Variants in CCSER1 observed in about 807,000 individuals in gnomAD.
CCSER1 encodes the protein serine-rich coiled-coil domain-containing protein 1.
CCSER1 carries 41 observed loss-of-function variants against 82.0 expected under a neutral mutation model. That is an observed-to-expected ratio of 0.50 (90% CI 0.39 to 0.65). The LOEUF (loss-of-function observed/expected upper bound fraction) is 0.65, where lower values mean the gene tolerates loss of function less well. Among genes scored for constraint, CCSER1 ranks in the 30% least tolerant of loss-of-function variants. CCSER1 has a pLI of 0.00. For synonymous variants in CCSER1, 414 were observed against 383.9 expected, an observed-to-expected ratio of 1.08 and a Z score of -0.92; for missense variants, 1,119 against 1,064.2, an observed-to-expected ratio of 1.05 and a Z score of -0.72.
At chr4:90,496,669 A>C (rs1199532047) in intron 5 of CCSER1, among the ~76,000 whole-genome samples, 1 of 152,208 alleles carries the variant, frequency 6.6e-6, no homozygotes, top group Non-Finnish European at 1.5e-5. Flanking sequence ...AGGTAACTAA[A>C]GAAACCTTAA....
At chr4:90,859,853 G>GT (rs1311383320) in intron 8 of CCSER1, among the ~76,000 whole-genome samples, 8 of 151,624 alleles carry the variant, frequency 5.3e-5, no homozygotes, top group African/African-American at 1.7e-4. Flanking sequence ...TGAATTTATT[G>GT]TTTTTTAACA....
At chr4:90,407,969 G>A (rs142659314) in intron 4 of CCSER1, among the ~76,000 whole-genome samples, 1,546 of 152,230 alleles carry the variant, frequency 0.01, 17 homozygotes, top group South Asian at 0.03. Flanking sequence ...CCTAACAAAC[G>A]GCACACCAGG....
At chr4:90,649,598 A>T (rs1250809105) in intron 6 of CCSER1, 1 of 152,250 alleles carries the variant, frequency 6.6e-6, no homozygotes. Flanking sequence ...CAGCCCCTTC[A>T]TCTTGGATTT....
chr4:91,532,336 A>C (rs968009865), intron 10 of CCSER1, among the ~76,000 whole-genome samples: 2 of 152,208 alleles, frequency 1.3e-5, no homozygotes, highest in Non-Finnish European at 2.9e-5. Flanking sequence ...TAAATGGATA[A>C]TTCTGTAATT....
intron 8 of CCSER1, among the ~76,000 whole-genome samples, chr4:90,855,397 G>A (rs1580792939): frequency 6.6e-6 from 1 of 151,978 alleles, no homozygotes; most frequent in Admixed American, 6.6e-5. Context: ...TCTAGCTTTG[G>A]AAACTATTAA....
At chr4:90,258,396 C>T (rs1723729104) in intron 1 of CCSER1, among the ~76,000 whole-genome samples, 2 of 152,106 alleles carry the variant, frequency 1.3e-5, no homozygotes, top group Admixed American at 1.3e-4. Flanking sequence ...CCTGTAATCC[C>T]AGCTACTCGG....
At chr4:91,020,681 C>T (rs1334523380) in intron 9 of CCSER1, among the ~76,000 whole-genome samples, 1 of 151,694 alleles carries the variant, frequency 6.6e-6, no homozygotes, top group East Asian at 1.9e-4. Context: ...AAAGTACATA[C>T]CTTGACAACT....
At chr4:90,863,315 C>T (rs1440799748) in intron 8 of CCSER1, among the ~76,000 whole-genome samples, 1 of 151,876 alleles carries the variant, frequency 6.6e-6, no homozygotes, top group Non-Finnish European at 1.5e-5. Flanking sequence ...TTATTAACAT[C>T]TTTTTCTTTT....
chr4:91,425,495 G>A (rs1319871117), intron 10 of CCSER1, among the ~76,000 whole-genome samples: 1 of 152,048 alleles, frequency 6.6e-6, no homozygotes. Context: ...TTATCCTATA[G>A]AAGTAACAAA....
chr4:90,193,112 G>T (rs1322040328), intron 1 of CCSER1, among the ~76,000 whole-genome samples: 1 of 151,988 alleles, frequency 6.6e-6, no homozygotes, highest in East Asian at 1.9e-4. Context: ...GTTTGTTTTT[G>T]AAAGAGTAAA....
intron 6 of CCSER1, among the ~76,000 whole-genome samples, chr4:90,705,309 T>C (rs1349043067): frequency 2.0e-5 from 3 of 152,180 alleles, no homozygotes; most frequent in Admixed American, 6.5e-5. Flanking sequence ...ACAGCAAATG[T>C]TGCTGTCTGA....
chr4:90,364,636 AT>A (rs1367315624), intron 3 of CCSER1, among the ~76,000 whole-genome samples: 1 of 151,974 alleles, frequency 6.6e-6, no homozygotes, highest in African/African-American at 2.4e-5. Context: ...TTTAAATTGC[AT>A]TTTTATTACT....
At chr4:90,184,711 G>A (rs771468871) in intron 1 of CCSER1, among the ~76,000 whole-genome samples, 2 of 152,114 alleles carry the variant, frequency 1.3e-5, no homozygotes, top group Non-Finnish European at 2.9e-5. Flanking sequence ...TGAAACACTT[G>A]GCATAGTTTC....
chr4:91,132,648 A>C (rs1313912136), intron 10 of CCSER1, among the ~76,000 whole-genome samples: 1 of 152,222 alleles, frequency 6.6e-6, no homozygotes, highest in Non-Finnish European at 1.5e-5. Context: ...AGACATATGT[A>C]AGCAATTACA....
chr4:90,870,086 T>G (rs904093637), intron 8 of CCSER1, among the ~76,000 whole-genome samples: 1 of 151,870 alleles, frequency 6.6e-6, no homozygotes, highest in African/African-American at 2.4e-5. Flanking sequence ...AGTTTGATTG[T>G]TTTTAGTGGA....
chr4:91,263,514 TATAAA>T (rs1217262210), intron 10 of CCSER1, among the ~76,000 whole-genome samples: 6 of 152,036 alleles, frequency 3.9e-5, no homozygotes, highest in Non-Finnish European at 8.8e-5. Flanking sequence ...TGCTGAGTTC[TATAAA>T]ATAACTGACC....
chr4:90,258,180 C>T (rs1723687193), intron 1 of CCSER1, among the ~76,000 whole-genome samples: 1 of 152,102 alleles, frequency 6.6e-6, no homozygotes, highest in South Asian at 2.1e-4. Flanking sequence ...TATTTAAGGG[C>T]TACTGGTATG....
intron 10 of CCSER1, among the ~76,000 whole-genome samples, chr4:91,341,582 C>A (rs191361538): frequency 6.6e-6 from 1 of 152,118 alleles, no homozygotes; most frequent in Admixed American, 6.6e-5. Flanking sequence ...GACAGGGTCT[C>A]ACTCTGTCAT....
intron 10 of CCSER1, among the ~76,000 whole-genome samples, chr4:91,210,370 T>G (rs900094739): frequency 4.0e-5 from 6 of 151,386 alleles, no homozygotes; most frequent in Non-Finnish European, 7.4e-5. Flanking sequence ...TGATGGGGGA[T>G]GTCATATTTA....
Sources: gnomAD v4.1 joint callset for allele counts (sites outside exome capture counted in the v4.1 genomes callset) on GRCh38, gnomAD v4.1.1 for gene constraint, MANE v1.5 for transcripts, NCBI Gene and HGNC (gene_info 2026-07-23, HGNC 2026-07-21) for gene names.